The following NGF variants were observed in gnomAD, a reference collection of about 807,000 sequenced individuals.
NGF encodes the protein beta-nerve growth factor.
Under a neutral mutation model 12.8 loss-of-function variants are expected in NGF, and 4 were observed. The ratio of observed to expected loss-of-function variants is 0.31; its 90% CI spans 0.15 to 0.72. The LOEUF is 0.72. Ranked by LOEUF, NGF falls within the 30% of genes least tolerant of loss-of-function variation. The pLI is 0.69. For synonymous variants in NGF, 140 were observed against 130.0 expected (o/e 1.08, Z -0.52); for missense variants, 283 against 330.8 (o/e 0.86, Z 1.12).
At chr1:115,318,995 T>C (rs1334478021) in intron 1 of NGF, among the ~76,000 whole-genome samples, 2 of 152,198 alleles carry the variant, frequency 1.3e-5, no homozygotes, top group Admixed American at 6.5e-5. Flanking sequence ...ACTCCCCAGA[T>C]TCAAACTCTG....
At chr1:115,292,529 T>C (rs527476662) in intron 2 of NGF, among the ~76,000 whole-genome samples, 2 of 152,308 alleles carry the variant, frequency 1.3e-5, no homozygotes, top group South Asian at 4.1e-4. Context: ...CTAGCCTAAT[T>C]CTTTAACTTT....
At chr1:115,303,592 A>G (rs556823770) in intron 1 of NGF, among the ~76,000 whole-genome samples, 1 of 151,882 alleles carries the variant, frequency 6.6e-6, no homozygotes, top group Non-Finnish European at 1.5e-5. Context: ...CTCACCACCA[A>G]CATCCTACCA....
Position 115,286,375 on chromosome 1 carries a change from C to T in NGF, c.421G>A (p.Val141Met), listed in dbSNP as rs199511298. ...GEFSVCDSVS[V>M]WVGDKTTATD... ...GCGGTGGTCTTATCCCCAACCCACA[C>T]GCTGACACTGTCACACACCGAGAAT... The change falls in exon 3 of 3, where the codon GTG becomes ATG. Residue 141 changes from valine (V) to methionine (M), a missense_variant. By Grantham distance (21) the Val-to-Met change is conservative. Coordinates refer to ENST00000369512, the MANE Select transcript of NGF (RefSeq NM_002506.3). The T allele has an allele frequency of 1.4e-5, 22 of 1,613,894 alleles. No individual in the cohort carries two copies. The African/African-American group carries it at 1.7e-4, about 13-fold the overall frequency.
intron 1 of NGF, among the ~76,000 whole-genome samples, chr1:115,315,415 A>T (rs1454915586): frequency 6.6e-6 from 1 of 152,138 alleles, no homozygotes; most frequent in Non-Finnish European, 1.5e-5. Context: ...TTGGAGGAAT[A>T]GGGTCAAAAG....
At chr1:115,327,318 C>T (rs1168620869) in intron 1 of NGF, among the ~76,000 whole-genome samples, 1 of 152,168 alleles carries the variant, frequency 6.6e-6, no homozygotes, top group African/African-American at 2.4e-5. Flanking sequence ...TTATGAAGCT[C>T]TCTGCTTTCT....
intron 1 of NGF, among the ~76,000 whole-genome samples, chr1:115,332,555 C>A (rs1654950926): frequency 2.6e-5 from 4 of 152,180 alleles, no homozygotes; most frequent in Non-Finnish European, 5.9e-5. Flanking sequence ...CCCCTCAGAT[C>A]AGCCCTTCCA....
intron 2 of NGF, among the ~76,000 whole-genome samples, chr1:115,292,525 T>C (rs1653733794): frequency 6.6e-6 from 1 of 152,232 alleles, no homozygotes; most frequent in Non-Finnish European, 1.5e-5. Context: ...GAGTCTAGCC[T>C]AATTCTTTAA....
intron 1 of NGF, among the ~76,000 whole-genome samples, chr1:115,299,586 A>G (rs1430936945): frequency 6.6e-6 from 1 of 152,246 alleles, no homozygotes. Flanking sequence ...CTAAACACAC[A>G]GCAGCCTTCT....
chr1:115,286,822 A>G lies in NGF; in HGVS notation c.-12-15T>C. On this transcript the variant is annotated splice_polypyrimidine_tract_variant and intron_variant, in intron 2 of 2. Transcript: ENST00000369512. ...ACGCTATGCACCTGGAATGAAAAAG[A>G]AATGAGGGTGACTTCATGGAGTACT... 1 of 1,613,984 alleles carries G rather than the reference A, an allele frequency of 6.2e-7. No individual in the cohort carries two copies. Among genetic ancestry groups the G allele is most frequent in the African/African-American group, 1.3e-5 (1 of 75,052 alleles).
At chr1:115,289,245 C>T (rs1375085826) in intron 2 of NGF, among the ~76,000 whole-genome samples, 1 of 152,126 alleles carries the variant, frequency 6.6e-6, no homozygotes. Context: ...CTTCTCGGTA[C>T]ATAATATCTC....
At chr1:115,337,867 AT>A (rs1655181418) in intron 1 of NGF, among the ~76,000 whole-genome samples, 1 of 151,988 alleles carries the variant, frequency 6.6e-6, no homozygotes, top group Non-Finnish European at 1.5e-5. Context: ...CTTGCGCGTT[AT>A]CCACTTCTAG....
At chr1:115,321,466 T>C (rs2101048371) in intron 1 of NGF, among the ~76,000 whole-genome samples, 1 of 152,302 alleles carries the variant, frequency 6.6e-6, no homozygotes, top group South Asian at 2.1e-4. Context: ...TTTCCCATTA[T>C]TCTTTCAACA....
intron 1 of NGF, among the ~76,000 whole-genome samples, chr1:115,313,610 A>G (rs942990481): frequency 6.6e-6 from 1 of 152,040 alleles, no homozygotes; most frequent in Admixed American, 6.5e-5. Context: ...TTTGAAATGC[A>G]TAATTGTTTG....
At chr1:115,337,229 T>G (rs1470592498) in intron 1 of NGF, among the ~76,000 whole-genome samples, 1 of 147,256 alleles carries the variant, frequency 6.8e-6, no homozygotes, top group Non-Finnish European at 1.5e-5. Flanking sequence ...ACGAAACACC[T>G]TCCTTAAGAA....
At position 115,288,454 on chromosome 1, in the gene NGF, TTC is replaced by T. The variant is rs560306121; in HGVS notation, c.-12-1649_-12-1648del. 7.2e-5 allele frequency among the ~76,000 whole-genome samples: 11 copies of T among 152,314 alleles called. No homozygotes were observed. The South Asian group carries it at 2.1e-3, about 29-fold the overall frequency. On this transcript the variant is annotated intron_variant, in intron 2 of 2. Coordinates refer to ENST00000369512, the MANE Select transcript of NGF (RefSeq NM_002506.3). Reference sequence around the variant, plus strand: ...AAAATTTGTGTAAATCATGAGTTATTTCTGTCTCCTTGTGGTCAAGGACTTTG... The same window carrying T: ...AAAATTTGTGTAAATCATGAGTTATTTGTCTCCTTGTGGTCAAGGACTTTG...
intron 1 of NGF, among the ~76,000 whole-genome samples, chr1:115,327,505 C>T (rs11466073): frequency 0.031 from 4,648 of 152,310 alleles, 114 homozygotes; most frequent in East Asian, 0.051. Context: ...CTAGTGTTCA[C>T]ACTTTCCCTG....
chr1:115,302,307 C>T (rs1654060379), intron 1 of NGF, among the ~76,000 whole-genome samples: 1 of 152,162 alleles, frequency 6.6e-6, no homozygotes, highest in Admixed American at 6.5e-5. Flanking sequence ...ATCTAAGACC[C>T]TCGTTCCACC....
chr1:115,305,451 C>T (rs1272235075), intron 1 of NGF, among the ~76,000 whole-genome samples: 1 of 152,210 alleles, frequency 6.6e-6, no homozygotes, highest in Non-Finnish European at 1.5e-5. Context: ...AAGGGAGCAA[C>T]AGTTCCACCC....
At chr1:115,293,082 T>C (rs1465504892) in intron 2 of NGF, among the ~76,000 whole-genome samples, 1 of 152,162 alleles carries the variant, frequency 6.6e-6, no homozygotes, top group East Asian at 1.9e-4. Context: ...AATTAACCAT[T>C]ACACAAACCT....
Sources: gnomAD v4.1 joint callset for allele counts (sites outside exome capture counted in the v4.1 genomes callset) on GRCh38, gnomAD v4.1.1 for gene constraint, MANE v1.5 for transcripts, NCBI Gene and HGNC (gene_info 2026-07-23, HGNC 2026-07-21) for gene names.